Variants in FAM178B observed in about 807,000 individuals in gnomAD.
FAM178B encodes the protein protein FAM178B.
FAM178B carries 82 observed loss-of-function variants against 91.7 expected under a neutral mutation model. The observed-to-expected ratio is 0.89, with a 90% CI of 0.75 to 1.07. FAM178B has a LOEUF of 1.07. Among genes scored for constraint, FAM178B ranks in the 50% least tolerant of loss-of-function variants. The pLI, the probability that FAM178B is intolerant of heterozygous loss-of-function variation, is 0.00. For synonymous variants in FAM178B, 368 were observed against 359.4 expected (o/e 1.02, Z -0.27); for missense variants, 769 against 846.7 (o/e 0.91, Z 1.14).
intron 7 of FAM178B, chr2:96,950,175 C>A: frequency 1.0e-6 from 1 of 985,496 alleles, no homozygotes; most frequent in Non-Finnish European, 1.2e-6. Context: ...TCTGTGGGTG[C>A]CGTCTCAGAT....
At chr2:96,970,657 G>C (rs1286698221) in intron 4 of FAM178B, 59 bp downstream of exon 4, 4 of 1,337,234 alleles carry the variant, frequency 3.0e-6, no homozygotes, top group East Asian at 5.0e-5. Context: ...GTGAGTCCCG[G>C]GACTGCTGCC....
intron 12 of FAM178B, among the ~76,000 whole-genome samples, chr2:96,907,894 C>T (rs1366372596): frequency 1.3e-5 from 2 of 152,218 alleles, no homozygotes; most frequent in Non-Finnish European, 2.9e-5. Context: ...AGGCACCTGG[C>T]CAAAGGCATG....
intron 12 of FAM178B, among the ~76,000 whole-genome samples, chr2:96,914,583 TTA>T (rs1381660984): frequency 6.6e-6 from 1 of 152,184 alleles, no homozygotes; most frequent in Non-Finnish European, 1.5e-5. Flanking sequence ...AATGTTGTAA[TTA>T]TGTTTTAAAA....
chr2:96,902,582 C>T (rs1167620499), intron 13 of FAM178B, 38 bp downstream of exon 13: 3 of 1,438,116 alleles, frequency 2.1e-6, no homozygotes, highest in African/African-American at 2.8e-5. Flanking sequence ...AGCCCGCAGG[C>T]CATGGCCTTC....
intron 13 of FAM178B, among the ~76,000 whole-genome samples, chr2:96,900,960 C>T (rs1257976956): frequency 6.6e-6 from 1 of 152,108 alleles, no homozygotes; most frequent in African/African-American, 2.4e-5. Context: ...TGTAGCTGAG[C>T]TGGAAGGGTC....
intron 8 of FAM178B, among the ~76,000 whole-genome samples, chr2:96,939,601 G>A (rs1290500306): frequency 1.3e-5 from 2 of 152,192 alleles, no homozygotes; most frequent in Non-Finnish European, 2.9e-5. Flanking sequence ...GCTGGCACAT[G>A]CAAAGGCCCT....
intron 1 of FAM178B, among the ~76,000 whole-genome samples, chr2:96,980,945 T>G (rs551717607): frequency 3.7e-4 from 57 of 152,134 alleles, no homozygotes; most frequent in Admixed American, 7.2e-4. Flanking sequence ...AAATATTTTA[T>G]TCCACTGAAT....
At chr2:96,936,887 C>G (rs1004329261) in intron 8 of FAM178B, among the ~76,000 whole-genome samples, 2 of 151,918 alleles carry the variant, frequency 1.3e-5, no homozygotes, top group African/African-American at 2.4e-5. Context: ...ACAGCAGACC[C>G]GGCACTGGAA....
chr2:96,948,739 C>T (rs1280882088), intron 7 of FAM178B, among the ~76,000 whole-genome samples: 1 of 152,312 alleles, frequency 6.6e-6, no homozygotes, highest in East Asian at 1.9e-4. Flanking sequence ...GGGCCCTGAG[C>T]CCAGGACCCT....
At chr2:96,966,507 A>T (rs2082145647) in intron 5 of FAM178B, among the ~76,000 whole-genome samples, 1 of 50,580 alleles carries the variant, frequency 2.0e-5, no homozygotes, top group Non-Finnish European at 6.2e-5. Context: ...AAGCAGTGGG[A>T]AGGCAGAGAT....
rs531492306 is a variant in FAM178B at position 96,921,919 on chromosome 2, C to T, written c.1288-265G>A. Among the ~76,000 whole-genome samples the T allele has an allele frequency of 8.5e-5, 13 of 152,222 alleles. No homozygotes were observed. The South Asian group carries it at 2.1e-3, about 24-fold the overall frequency. On this transcript the variant is annotated intron_variant, in intron 10 of 16. Transcript: ENST00000490605. ...CTGGGTAAAACAAGGCTGAGACCTA[C>T]TGGGCTGCATTCCCAGGAGGTTAGG...
chr2:96,896,730 A>G (rs924914146), intron 13 of FAM178B, among the ~76,000 whole-genome samples: 1 of 152,166 alleles, frequency 6.6e-6, no homozygotes, highest in South Asian at 2.1e-4. Flanking sequence ...CAAAGACCCA[A>G]CGACCTGCCT....
At chr2:96,912,652 G>A (rs1226368937) in intron 12 of FAM178B, among the ~76,000 whole-genome samples, 1 of 152,164 alleles carries the variant, frequency 6.6e-6, no homozygotes, top group Non-Finnish European at 1.5e-5. Context: ...ACCTGAGAGG[G>A]AGCCGCGTCC....
Position 96,964,132 on chromosome 2 carries a change from A to G in FAM178B, c.734+3388T>C, listed in dbSNP as rs556754993. Among the ~76,000 whole-genome samples the G allele has an allele frequency of 3.3e-4, 47 of 143,094 alleles. 1 individual carries two copies. The highest frequency in any genetic ancestry group is 3.3e-3 in the South Asian group (15 of 4,606). 93.9% of individuals were successfully genotyped at this position (143,094 alleles called of 152,430 possible). ...GAGGCGGAGGTTGCAGTGAGCCAAG[A>G]TAACTCCAGCCTGGGCGACAGAGTG... On this transcript the variant is annotated intron_variant, in intron 5 of 16. Coordinates refer to ENST00000490605, the MANE Select transcript of FAM178B (RefSeq NM_001122646.3).
At chr2:96,916,434 C>T (rs13410975) in intron 12 of FAM178B, among the ~76,000 whole-genome samples, 48 of 152,360 alleles carry the variant, frequency 3.2e-4, no homozygotes, top group African/African-American at 1.2e-3. Context: ...TTCATCTGAC[C>T]TTCTGCTTTG....
chr2:96,966,132 C>T (rs1267579669), intron 5 of FAM178B, among the ~76,000 whole-genome samples: 2 of 152,106 alleles, frequency 1.3e-5, no homozygotes, highest in South Asian at 2.1e-4. Flanking sequence ...TGGCCTCCCT[C>T]ACCTCCTATC....
At chr2:96,888,846 T>C (rs1228159667) in intron 14 of FAM178B, among the ~76,000 whole-genome samples, 2 of 152,162 alleles carry the variant, frequency 1.3e-5, no homozygotes. Flanking sequence ...ACAGCTGGGC[T>C]GAGTTTATCC....
intron 9 of FAM178B, among the ~76,000 whole-genome samples, chr2:96,926,841 C>A (rs1183830235): frequency 6.6e-6 from 1 of 152,188 alleles, no homozygotes; most frequent in Non-Finnish European, 1.5e-5. Flanking sequence ...AAGAGACAGC[C>A]CAGTTACGGT....
intron 13 of FAM178B, among the ~76,000 whole-genome samples, chr2:96,899,217 A>G (rs2080880005): frequency 6.6e-6 from 1 of 152,172 alleles, no homozygotes; most frequent in Non-Finnish European, 1.5e-5. Context: ...TCCTTTTTGC[A>G]GTACAAGCAC....
Sources: allele counts gnomAD v4.1 joint callset (sites outside exome capture counted in the v4.1 genomes callset), GRCh38; gene constraint gnomAD v4.1.1; transcripts MANE v1.5; gene names NCBI Gene and HGNC (gene_info 2026-07-23, HGNC 2026-07-21).